The following BRINP1 variants were observed in gnomAD, a reference collection of about 807,000 sequenced individuals.
BRINP1 encodes the protein BMP/retinoic acid inducible neural specific 1.
In BRINP1, 17 loss-of-function variants were observed where a neutral mutation model predicts 72.9. The ratio of observed to expected loss-of-function variants is 0.23; its 90% CI spans 0.16 to 0.35. The LOEUF (loss-of-function observed/expected upper bound fraction) is 0.35, where lower values mean the gene tolerates loss of function less well. Ranked by LOEUF, BRINP1 falls within the 10% of genes least tolerant of loss-of-function variation. The pLI, the probability that BRINP1 is intolerant of heterozygous loss-of-function variation, is 1.00. For synonymous variants in BRINP1, 418 were observed against 378.5 expected, an observed-to-expected ratio of 1.10 and a Z score of -1.21; for missense variants, 850 against 1,001.6, an observed-to-expected ratio of 0.85 and a Z score of 2.04.
chr9:119,288,112 G>A (rs1246312969), intron 2 of BRINP1, among the ~76,000 whole-genome samples: 1 of 152,234 alleles, frequency 6.6e-6, no homozygotes, highest in Non-Finnish European at 1.5e-5. Context: ...GATGGGAACA[G>A]ATGGGTAGGA....
intron 7 of BRINP1, among the ~76,000 whole-genome samples, chr9:119,201,876 T>C (rs1829808761): frequency 6.6e-6 from 1 of 152,196 alleles, no homozygotes; most frequent in African/African-American, 2.4e-5. Context: ...GTGCTTCTTT[T>C]CTTCCTCCCT....
At chr9:119,280,618 A>G (rs767431144) in intron 2 of BRINP1, among the ~76,000 whole-genome samples, 70 of 152,064 alleles carry the variant, frequency 4.6e-4, no homozygotes, top group Non-Finnish European at 8.5e-4. Flanking sequence ...AGTAGGTCTA[A>G]CTGAACCAGG....
At chr9:119,196,460 C>T (rs1018890541) in intron 7 of BRINP1, among the ~76,000 whole-genome samples, 1 of 152,136 alleles carries the variant, frequency 6.6e-6, no homozygotes, top group Non-Finnish European at 1.5e-5. Context: ...TTTACTAAAC[C>T]ACAGCATCCC....
At chr9:119,180,536 A>AGAGAT (rs1829544870) in intron 7 of BRINP1, among the ~76,000 whole-genome samples, 1 of 151,874 alleles carries the variant, frequency 6.6e-6, no homozygotes, top group Non-Finnish European at 1.5e-5. Context: ...GGTATTTATA[A>AGAGAT]GAGATGAATA....
chr9:119,180,147 G>T (rs949559603), intron 7 of BRINP1, among the ~76,000 whole-genome samples: 2 of 152,150 alleles, frequency 1.3e-5, no homozygotes, highest in Non-Finnish European at 2.9e-5. Flanking sequence ...CATACAAATC[G>T]AGTGCCAAGG....
At chr9:119,324,223 T>G (rs1435680614) in intron 1 of BRINP1, among the ~76,000 whole-genome samples, 1 of 151,468 alleles carries the variant, frequency 6.6e-6, no homozygotes, top group East Asian at 1.9e-4. Flanking sequence ...AAAAAAAAAA[T>G]TCTTAGAATT....
chr9:119,299,604 C>A (rs898566528), intron 2 of BRINP1, among the ~76,000 whole-genome samples: 7 of 146,326 alleles, frequency 4.8e-5, no homozygotes, highest in Admixed American at 4.8e-4. Flanking sequence ...CACGGCGAGA[C>A]TCCGTCTCAA....
rs368154508 is a variant in BRINP1, at chr9:119,191,731, TG to T, written c.1145+16987del. Among the ~76,000 whole-genome samples, 28 of 152,044 alleles carry T rather than the reference TG, an allele frequency of 1.8e-4. No individual in the cohort carries two copies. The South Asian group carries it at 3.7e-3, about 20-fold the overall frequency. On this transcript the variant is annotated intron_variant, in intron 7 of 7. Coordinates refer to ENST00000265922, the MANE Select transcript of BRINP1 (RefSeq NM_014618.3). ...TTAACAATCCGTATAAAAATGTCGA[TG>T]TCAATCTTCACAGAAATAGAAAAAG... is the stretch of plus-strand genomic sequence containing the variant.
chr9:119,337,342 G>C (rs1451826452), intron 1 of BRINP1, among the ~76,000 whole-genome samples: 3 of 152,208 alleles, frequency 2.0e-5, no homozygotes, highest in African/African-American at 7.2e-5. Flanking sequence ...TCCCAGTCTG[G>C]AAGGACAGTA....
intron 2 of BRINP1, among the ~76,000 whole-genome samples, chr9:119,302,829 A>G (rs933791206): frequency 6.6e-6 from 1 of 151,458 alleles, no homozygotes; most frequent in African/African-American, 2.4e-5. Flanking sequence ...CTATTACTCC[A>G]TTTTATATTT....
intron 1 of BRINP1, among the ~76,000 whole-genome samples, chr9:119,318,754 A>G (rs1238484556): frequency 6.6e-6 from 1 of 152,026 alleles, no homozygotes; most frequent in Admixed American, 6.6e-5. Context: ...GAGAATACTT[A>G]GCTGTTAGAC....
intron 7 of BRINP1, among the ~76,000 whole-genome samples, chr9:119,197,735 G>A (rs1378918295): frequency 6.6e-6 from 1 of 152,104 alleles, no homozygotes; most frequent in Non-Finnish European, 1.5e-5. Flanking sequence ...CAAGTAACAA[G>A]CATACGAGCT....
intron 3 of BRINP1, among the ~76,000 whole-genome samples, chr9:119,248,203 C>T (rs184151043): frequency 9.2e-5 from 14 of 152,280 alleles, no homozygotes; most frequent in African/African-American, 2.9e-4. Context: ...TAAATGCAGC[C>T]GGCGACTTTG....
chr9:119,278,310 C>CT (rs148706425), intron 2 of BRINP1, among the ~76,000 whole-genome samples: 3 of 152,196 alleles, frequency 2.0e-5, no homozygotes, highest in Non-Finnish European at 2.9e-5. Flanking sequence ...GCACTGGCTG[C>CT]GTTTGGAGCC....
intron 2 of BRINP1, among the ~76,000 whole-genome samples, chr9:119,289,083 A>T (rs1250811120): frequency 6.6e-6 from 1 of 152,232 alleles, no homozygotes; most frequent in Non-Finnish European, 1.5e-5. Flanking sequence ...TACAGGCGTG[A>T]GCCACCACAC....
At chr9:119,261,040 T>C (rs1830490153) in intron 2 of BRINP1, among the ~76,000 whole-genome samples, 1 of 152,084 alleles carries the variant, frequency 6.6e-6, no homozygotes, top group Non-Finnish European at 1.5e-5. Flanking sequence ...TTCTCAATAC[T>C]CTCAAAATTA....
intron 7 of BRINP1, among the ~76,000 whole-genome samples, chr9:119,207,623 A>T (rs529405787): frequency 2.6e-5 from 4 of 152,234 alleles, no homozygotes; most frequent in Admixed American, 6.5e-5. Flanking sequence ...GGAAAACGTC[A>T]CCCCCAAGTG....
At chr9:119,264,431 C>T (rs2118940857) in intron 2 of BRINP1, among the ~76,000 whole-genome samples, 1 of 152,346 alleles carries the variant, frequency 6.6e-6, no homozygotes, top group South Asian at 2.1e-4. Flanking sequence ...ATGCCACCTC[C>T]TCCACCTTTT....
chr9:119,169,830 CCT>C (rs1232218260), intron 7 of BRINP1, among the ~76,000 whole-genome samples: 1 of 152,140 alleles, frequency 6.6e-6, no homozygotes, highest in Non-Finnish European at 1.5e-5. Context: ...ACCCCTGACC[CCT>C]GAGCAGCCTA....
Sources: gnomAD v4.1 joint callset for allele counts (sites outside exome capture counted in the v4.1 genomes callset) on GRCh38, gnomAD v4.1.1 for gene constraint, MANE v1.5 for transcripts, NCBI Gene and HGNC (gene_info 2026-07-23, HGNC 2026-07-21) for gene names.